The following SLC35F1 variants were observed in gnomAD, a reference collection of about 807,000 sequenced individuals.
SLC35F1 encodes the protein chromosome 6 open reading frame 169.
In SLC35F1, 14 loss-of-function variants were observed where a neutral mutation model predicts 48.7. The ratio of observed to expected loss-of-function variants is 0.29; its 90% CI spans 0.19 to 0.45. SLC35F1 has a LOEUF of 0.45. SLC35F1 is among the 20% of genes least tolerant of loss of function. The pLI, the probability that SLC35F1 is intolerant of heterozygous loss-of-function variation, is 1.00. For synonymous variants in SLC35F1, 190 were observed against 202.2 expected, an observed-to-expected ratio of 0.94 and a Z score of 0.51; for missense variants, 404 against 500.0, an observed-to-expected ratio of 0.81 and a Z score of 1.83.
chr6:118,074,584 T>C (rs1772791238), intron 1 of SLC35F1, among the ~76,000 whole-genome samples: 1 of 152,248 alleles, frequency 6.6e-6, no homozygotes, highest in Non-Finnish European at 1.5e-5. Context: ...ATGTTTGTGG[T>C]TGTGGTGACT....
intron 1 of SLC35F1, among the ~76,000 whole-genome samples, chr6:117,913,879 C>T (rs547015527): frequency 8.6e-5 from 13 of 151,970 alleles, no homozygotes; most frequent in Non-Finnish European, 1.3e-4. Context: ...GGCGAAACCC[C>T]ATCTCTACTA....
chr6:118,188,075 A>G (rs1202213237), intron 2 of SLC35F1, among the ~76,000 whole-genome samples: 5 of 152,348 alleles, frequency 3.3e-5, no homozygotes, highest in African/African-American at 1.2e-4. Context: ...AACTTGACAC[A>G]GAGTCGCAGA....
chr6:118,045,118 T>A lies in SLC35F1; in HGVS notation c.174-109327T>A, dbSNP rs1054008741. Among the ~76,000 whole-genome samples the A allele has an allele frequency of 2.0e-5, 3 of 152,198 alleles. No individual in the cohort carries two copies. In the South Asian group the frequency reaches 6.2e-4, roughly 31 times the overall value. ...CTTTCAAAGACAAAATACTAGCTTT[T>A]CAGGAAACAACTCTTTGTTTGACAA... On this transcript the variant is annotated intron_variant, in intron 1 of 7. Coordinates refer to ENST00000360388, the MANE Select transcript of SLC35F1 (RefSeq NM_001029858.4).
At chr6:117,984,488 G>A (rs569720673) in intron 1 of SLC35F1, among the ~76,000 whole-genome samples, 9 of 143,424 alleles carry the variant, frequency 6.3e-5, no homozygotes, top group South Asian at 2.2e-4. Context: ...AGCAAGACTC[G>A]GTCTCAAAAA....
intron 1 of SLC35F1, among the ~76,000 whole-genome samples, chr6:118,000,482 G>A (rs9401043): frequency 0.61 from 92,691 of 151,786 alleles, 28,805 homozygotes; most frequent in East Asian, 0.81. Context: ...ACAAACCCAC[G>A]GCCAATATCA....
At chr6:118,084,751 G>T (rs1198855320) in intron 1 of SLC35F1, among the ~76,000 whole-genome samples, 1 of 151,972 alleles carries the variant, frequency 6.6e-6, no homozygotes, top group African/African-American at 2.4e-5. Context: ...TTAGGGCAGG[G>T]GTCGGAGGTG....
chr6:117,920,890 A>G (rs933294805), intron 1 of SLC35F1, among the ~76,000 whole-genome samples: 1 of 152,054 alleles, frequency 6.6e-6, no homozygotes, highest in Non-Finnish European at 1.5e-5. Flanking sequence ...TGTGTCCTAT[A>G]TTTCCTTTCT....
chr6:118,206,161 T>G (rs1022589598), intron 2 of SLC35F1, among the ~76,000 whole-genome samples: 14 of 152,244 alleles, frequency 9.2e-5, no homozygotes, highest in Admixed American at 9.2e-4. Flanking sequence ...AAATGATTAA[T>G]TTATCTTATG....
chr6:117,923,592 CATATGTGTAT>C lies in SLC35F1; in HGVS notation c.173+15698_173+15707del, dbSNP rs1775933564. Among the ~76,000 whole-genome samples the C allele has an allele frequency of 1.1e-3, 13 of 12,266 alleles. 3 individuals carry two copies. In the Admixed American group the frequency reaches 0.019, roughly 18 times the overall value. The allele number at this position is 12,266 out of a possible 152,430, so 8.0% of individuals were successfully genotyped here. A position where few individuals can be genotyped will look rare whatever the true frequency, so the allele number is the denominator to read the frequency against. The stretch of plus-strand genomic sequence containing the variant: ...AAATACATATGTGTGTGTATATATA[CATATGTGTAT>C]ATATACATATACATATGTATATATA... On this transcript the variant is annotated intron_variant, in intron 1 of 7. Transcript: ENST00000360388.
At chr6:117,956,059 T>C (rs1776423060) in intron 1 of SLC35F1, among the ~76,000 whole-genome samples, 1 of 152,188 alleles carries the variant, frequency 6.6e-6, no homozygotes. Context: ...GTTTTGTCAC[T>C]TGGGAGAGTA....
intron 2 of SLC35F1, among the ~76,000 whole-genome samples, chr6:118,155,973 G>A (rs1212332377): frequency 6.6e-6 from 1 of 152,136 alleles, no homozygotes; most frequent in East Asian, 1.9e-4. Flanking sequence ...CATCTCATAG[G>A]AGGAATAAAT....
chr6:117,969,505 G>A (rs564117370), intron 1 of SLC35F1, among the ~76,000 whole-genome samples: 15 of 152,252 alleles, frequency 9.9e-5, no homozygotes, highest in African/African-American at 3.4e-4. Flanking sequence ...AGGTAGGATC[G>A]CTTGAGATGA....
intron 4 of SLC35F1, among the ~76,000 whole-genome samples, chr6:118,270,234 A>G (rs879933475): frequency 2.6e-5 from 4 of 152,170 alleles, no homozygotes; most frequent in Admixed American, 6.5e-5. Flanking sequence ...CTTTAATTCC[A>G]CTTCGTCAGC....
intron 1 of SLC35F1, among the ~76,000 whole-genome samples, chr6:118,017,030 G>A (rs140115354): frequency 1.4e-4 from 22 of 152,278 alleles, no homozygotes; most frequent in African/African-American, 4.8e-4. Flanking sequence ...TAGGATCTGC[G>A]GAATCTCCTG....
intron 2 of SLC35F1, among the ~76,000 whole-genome samples, chr6:118,173,701 C>A (rs1381191597): frequency 6.6e-6 from 1 of 152,156 alleles, no homozygotes; most frequent in Non-Finnish European, 1.5e-5. Context: ...ACCAGACTTT[C>A]AGCTGCCAAG....
intron 1 of SLC35F1, among the ~76,000 whole-genome samples, chr6:118,119,763 G>A (rs751606009): frequency 6.6e-6 from 1 of 152,074 alleles, no homozygotes; most frequent in South Asian, 2.1e-4. Flanking sequence ...TAACACATTT[G>A]GTACTTCTTA....
intron 1 of SLC35F1, among the ~76,000 whole-genome samples, chr6:118,034,824 C>A (rs1772104247): frequency 6.6e-6 from 1 of 152,144 alleles, no homozygotes; most frequent in South Asian, 2.1e-4. Context: ...TCTGCTTCCT[C>A]TTTTTTCCTA....
intron 7 of SLC35F1, among the ~76,000 whole-genome samples, chr6:118,313,187 G>A (rs898411608): frequency 5.3e-5 from 8 of 152,138 alleles, no homozygotes; most frequent in Non-Finnish European, 1.0e-4. Context: ...ATGAATGAAC[G>A]AAACACCAGA....
intron 1 of SLC35F1, among the ~76,000 whole-genome samples, chr6:118,070,007 G>A (rs1445502678): frequency 6.6e-6 from 1 of 151,060 alleles, no homozygotes; most frequent in Non-Finnish European, 1.5e-5. Context: ...GCGGTGGCGG[G>A]CGCCTGTAGT....
Sources: gnomAD v4.1 joint callset for allele counts (sites outside exome capture counted in the v4.1 genomes callset) on GRCh38, gnomAD v4.1.1 for gene constraint, MANE v1.5 for transcripts, NCBI Gene and HGNC (gene_info 2026-07-23, HGNC 2026-07-21) for gene names.